The following KPNB1 variants were observed in gnomAD, a reference collection of about 807,000 sequenced individuals.
KPNB1 encodes importin subunit beta-1.
Under a neutral mutation model 113.0 loss-of-function variants are expected in KPNB1, and 7 were observed. The observed-to-expected ratio is 0.06, with a 90% CI of 0.04 to 0.12. KPNB1 has a LOEUF of 0.12. Ranked by LOEUF, KPNB1 falls within the 10% of genes least tolerant of loss-of-function variation. The pLI is 1.00. For synonymous variants in KPNB1, 363 were observed against 378.6 expected, an observed-to-expected ratio of 0.96 and a Z score of 0.48; for missense variants, 400 against 1,054.8, an observed-to-expected ratio of 0.38 and a Z score of 8.60.
chr17:47,671,937 C>T (rs2030461380), intron 12 of KPNB1: 1 of 151,754 alleles, frequency 6.6e-6, no homozygotes, highest in Admixed American at 6.6e-5. Context: ...CAACCTTTAA[C>T]AATTTATGTT....
intron 3 of KPNB1, among the ~76,000 whole-genome samples, chr17:47,656,654 G>A (rs897044403): frequency 2.0e-5 from 3 of 151,936 alleles, no homozygotes; most frequent in South Asian, 2.1e-4. Flanking sequence ...AGCCTGAGGC[G>A]GGAGGATAGA....
rs751879494 is a variant in KPNB1 at position 47,668,383 on chromosome 17, C to T, written c.1197C>T (p.Pro399=). 2 of 1,614,110 alleles carry T rather than the reference C, an allele frequency of 1.2e-6. No homozygotes were observed. Among genetic ancestry groups the T allele is most frequent in the South Asian group, 1.1e-5 (1 of 91,078 alleles). ...GTTGTATCTTGGAAGGACCAGAGCCCAGTCAGCTCAAACCACTAGTTATAC... is the reference window on the plus strand; with the variant it reads ...GTTGTATCTTGGAAGGACCAGAGCCTAGTCAGCTCAAACCACTAGTTATAC... ...AFGCILEGPE[P]SQLKPLVIQA... is the part of the protein sequence containing the mutation. Residue 399 remains proline, a synonymous_variant, in exon 10 of 22, where the codon CCC becomes CCT. Transcript: ENST00000290158.
chr17:47,659,470 G>A (rs1364950258), intron 5 of KPNB1, among the ~76,000 whole-genome samples: 4 of 152,120 alleles, frequency 2.6e-5, no homozygotes, highest in Non-Finnish European at 5.9e-5. Flanking sequence ...ATTTTGTGGA[G>A]GCCGGGTGCT....
intron 10 of KPNB1, 92 bp downstream of exon 10, chr17:47,668,502 G>A (rs1239525969): frequency 1.1e-5 from 11 of 969,642 alleles, no homozygotes; most frequent in African/African-American, 3.3e-5. Flanking sequence ...ACTGTAAATT[G>A]TCATCTACAA....
chr17:47,670,967 A>G, intron 12 of KPNB1, 135 bp downstream of exon 12: 1 of 846,308 alleles, frequency 1.2e-6, no homozygotes, highest in South Asian at 2.2e-5. Context: ...AGGAATTAAA[A>G]GAAACCCGCT....
At chr17:47,657,702 A>G (rs997167278) in intron 4 of KPNB1, among the ~76,000 whole-genome samples, 4 of 152,194 alleles carry the variant, frequency 2.6e-5, no homozygotes, top group Non-Finnish European at 5.9e-5. Context: ...CTCCATTTGC[A>G]CAGAAGTGGG....
chr17:47,677,331 G>C (rs2030643000), intron 17 of KPNB1, among the ~76,000 whole-genome samples: 1 of 151,958 alleles, frequency 6.6e-6, no homozygotes, highest in Non-Finnish European at 1.5e-5. Context: ...AATTAGCCGG[G>C]CGTGATGGCA....
At chr17:47,661,045 T>C (rs1462483760) in intron 5 of KPNB1, 74 bp from the exon 6 acceptor site, 35 of 1,211,166 alleles carry the variant, frequency 2.9e-5, no homozygotes, top group Non-Finnish European at 4.3e-5. Context: ...GTTTTCCTTG[T>C]AGAGGGAGTC....
chr17:47,668,081 C>T (rs1169488072), intron 9 of KPNB1, 105 bp from the exon 10 acceptor site: 1 of 800,460 alleles, frequency 1.2e-6, no homozygotes, highest in Non-Finnish European at 2.0e-6. Context: ...TATTTTATTT[C>T]CCTGGAGTTT....
chr17:47,654,406 T>C (rs1597922490), intron 3 of KPNB1, among the ~76,000 whole-genome samples: 4 of 137,396 alleles, frequency 2.9e-5, no homozygotes, highest in African/African-American at 1.1e-4. Flanking sequence ...AGAGTGACAC[T>C]CCATTTCTTA....
rs1597918972 is a variant in KPNB1, at chr17:47,650,191, C to T, written c.-54C>T. Reference sequence around the variant, plus strand: ...CCCCATCCCCAGTTCGAGCCGCCGCCCGAAAGGCCGGGCCGTCGTCTTAGG... The same window carrying T: ...CCCCATCCCCAGTTCGAGCCGCCGCTCGAAAGGCCGGGCCGTCGTCTTAGG... On this transcript the variant is annotated 5_prime_UTR_variant, in exon 1 of 22. Coordinates refer to ENST00000290158, the MANE Select transcript of KPNB1 (RefSeq NM_002265.6). The T allele has an allele frequency of 6.7e-7, 1 of 1,484,236 alleles. No individual in the cohort carries two copies. Among genetic ancestry groups the T allele is most frequent in the Non-Finnish European group, 8.9e-7 (1 of 1,120,844 alleles). The allele number at this position is 1,484,236 out of a possible 1,614,324, so 91.9% of individuals were successfully genotyped here.
At chr17:47,651,340 G>A (rs1255568799) in intron 2 of KPNB1, 2 of 985,292 alleles carry the variant, frequency 2.0e-6, no homozygotes, top group Non-Finnish European at 2.4e-6. Flanking sequence ...TGGGGTCAGA[G>A]GGAAGGATTG....
chr17:47,657,914 A>T (rs981144124), intron 4 of KPNB1, among the ~76,000 whole-genome samples: 1 of 152,204 alleles, frequency 6.6e-6, no homozygotes, highest in African/African-American at 2.4e-5. Context: ...TGAACTTTAC[A>T]GTTAAAAGGA....
At chr17:47,666,553 T>TGTTA (rs1555618502) in intron 9 of KPNB1, among the ~76,000 whole-genome samples, 1 of 45,310 alleles carries the variant, frequency 2.2e-5, no homozygotes, top group Non-Finnish European at 6.1e-5. Flanking sequence ...ATATTATATA[T>TGTTA]TATGTTATAT....
intron 19 of KPNB1, 68 bp from the exon 20 acceptor site, chr17:47,679,952 C>A: frequency 1.1e-6 from 1 of 943,152 alleles, no homozygotes; most frequent in Non-Finnish European, 1.7e-6. Context: ...CCGCCTGGGC[C>A]TCCTAAAGTG....
intron 21 of KPNB1, among the ~76,000 whole-genome samples, chr17:47,681,740 A>G (rs1297875762): frequency 8.5e-6 from 1 of 117,486 alleles, no homozygotes; most frequent in African/African-American, 3.5e-5. Context: ...GGTTTTCACC[A>G]TGTTGGCCAG....
intron 2 of KPNB1, among the ~76,000 whole-genome samples, chr17:47,650,718 C>T (rs1487943867): frequency 6.6e-6 from 1 of 152,056 alleles, no homozygotes; most frequent in African/African-American, 2.4e-5. Context: ...GGCGGTGCAG[C>T]GGGAGGGAGA....
intron 4 of KPNB1, 121 bp from the exon 5 acceptor site, chr17:47,658,386 GC>G: frequency 9.6e-7 from 1 of 1,042,940 alleles, no homozygotes; most frequent in East Asian, 2.6e-5. Context: ...CAGTACAGAT[GC>G]AACCATCCAT....
Position 47,683,689 on chromosome 17 carries a change from TTGC to T in KPNB1, c.*1289_*1291del, listed in dbSNP as rs1293089725. On this transcript the variant is annotated 3_prime_UTR_variant, in exon 22 of 22. Transcript: ENST00000290158. Reference sequence around the variant, plus strand: ...TTGACTACAATGCGGTATTGGTCTCTTGCTGCACTTCAAAAGCAACCAACAAAA... The same window carrying T: ...TTGACTACAATGCGGTATTGGTCTCTTGCACTTCAAAAGCAACCAACAAAA... The T allele has an allele frequency of 3.3e-5, 5 of 150,064 alleles. No homozygotes were observed. The East Asian group carries it at 7.9e-4, about 24-fold the overall frequency. 9.3% of individuals were successfully genotyped at this position (150,064 alleles called of 1,614,324 possible).
Sources: allele counts gnomAD v4.1 joint callset (sites outside exome capture counted in the v4.1 genomes callset), GRCh38; gene constraint gnomAD v4.1.1; transcripts MANE v1.5; gene names NCBI Gene and HGNC (gene_info 2026-07-23, HGNC 2026-07-21).